NUB1: variants seen among roughly 807,000 people sequenced by gnomAD.
The protein encoded by NUB1 is negative regulator of ubiquitin like proteins 1, also known as NEDD8 ultimate buster 1.
NUB1 carries 41 observed loss-of-function variants against 77.1 expected under a neutral mutation model. That is an observed-to-expected ratio of 0.53 (90% CI 0.41 to 0.69). The LOEUF (loss-of-function observed/expected upper bound fraction) is 0.69. Ranked by LOEUF, NUB1 falls within the 30% of genes least tolerant of loss-of-function variation. The probability of loss-of-function intolerance (pLI) is 0.00; values close to 1 mark genes in which losing one functional copy is unlikely to be tolerated. For missense variants in NUB1, 643 were observed against 743.8 expected (o/e 0.86, Z 1.58); for synonymous variants, 257 against 281.0 (o/e 0.91, Z 0.85).
chr7:151,375,800 T>A (rs1388909659), intron 12 of NUB1, 48 bp from the exon 13 acceptor site: 2 of 1,237,894 alleles, frequency 1.6e-6, no homozygotes, highest in South Asian at 2.4e-5. Context: ...TGTCTGAATG[T>A]GTGAAGAGTT....
intron 1 of NUB1, among the ~76,000 whole-genome samples, chr7:151,342,343 A>G (rs1395706464): frequency 2.0e-5 from 3 of 152,152 alleles, no homozygotes; most frequent in African/African-American, 7.2e-5. Context: ...TCATTTTCCT[A>G]AGAAAAAATG....
At position 151,368,729 on chromosome 7, in the gene NUB1, C is replaced by T. The variant is rs773984694; in HGVS notation, c.1096-6C>T. On this transcript the variant is annotated splice_region_variant and splice_polypyrimidine_tract_variant and intron_variant, in intron 10 of 14. Coordinates refer to ENST00000568733, the MANE Select transcript of NUB1 (RefSeq NM_001243351.2). ...TTACATGATTCTTACATTTCCCTGT[C>T]TCTAGGCACGTCAGCTCTTTAAAGA... is the stretch of plus-strand genomic sequence containing the variant. 4.4e-6 allele frequency: 7 copies of T among 1,598,382 alleles called. No individual in the cohort carries two copies. In the South Asian group the frequency reaches 4.5e-5, roughly 10 times the overall value.
At chr7:151,374,300 G>C (rs1258202206) in intron 12 of NUB1, 57 bp downstream of exon 12, 5 of 1,539,656 alleles carry the variant, frequency 3.2e-6, no homozygotes, top group Non-Finnish European at 4.4e-6. Context: ...CCTGCCCAGA[G>C]CTCCCTCCAT....
chr7:151,376,820 GA>G lies in NUB1; in HGVS notation c.1669+10del. The G allele has an allele frequency of 1.3e-6, 2 of 1,569,068 alleles. No homozygotes were observed. Among genetic ancestry groups the G allele is most frequent in the Non-Finnish European group, 1.7e-6 (2 of 1,157,080 alleles). ...CCCTTCTGACTCCGCAGGTAGGTCT[GA>G]GGTCTTTGAGGGCCGCATTGAGAGC... On this transcript the variant is annotated intron_variant, in intron 14 of 14. Coordinates refer to ENST00000568733, the MANE Select transcript of NUB1 (RefSeq NM_001243351.2).
In NUB1 at chr7:151,360,253, C is replaced by A. The variant is rs767089160; in HGVS notation, c.800+6C>A. 2.7e-6 allele frequency: 4 copies of A among 1,505,802 alleles called. No homozygotes were observed. Among genetic ancestry groups the A allele is most frequent in the Non-Finnish European group, 3.7e-6 (4 of 1,082,138 alleles). 93.3% of individuals were successfully genotyped at this position (1,505,802 alleles called of 1,614,324 possible). On this transcript the variant is annotated splice_donor_region_variant and intron_variant, in intron 8 of 14. Coordinates refer to ENST00000568733, the MANE Select transcript of NUB1 (RefSeq NM_001243351.2). ...GACGCTGACAAATATTTCTGGTAGG[C>A]GCTTTTGTACTTGGTGAACACCAGC...
chr7:151,348,963 G>A, intron 2 of NUB1, 110 bp from the exon 3 acceptor site: 1 of 913,590 alleles, frequency 1.1e-6, no homozygotes. Context: ...AGTGTAACGG[G>A]GCGACCTCCA....
chr7:151,376,004 A>G, intron 13 of NUB1, 61 bp downstream of exon 13: 2 of 1,057,882 alleles, frequency 1.9e-6, no homozygotes, highest in Non-Finnish European at 3.0e-6. Context: ...GCTTGGGGTA[A>G]CCCGGGTGAA....
Position 151,367,902 on chromosome 7 carries a change from C to T in NUB1, c.1029C>T (p.Tyr343=), listed in dbSNP as rs368893168. ...AGAAGGTACTGTTTCTAAGACTCTA[C>T]TTACTTCAAGGGATCCGAAACTATC... is the stretch of plus-strand genomic sequence containing the variant. ...GKEKVLFLRL[Y]LLQGIRNYHS... Residue 343 remains tyrosine, a synonymous_variant, in exon 10 of 15, where the codon TAC becomes TAT. Transcript: ENST00000568733. 1.7e-4 allele frequency: 276 copies of T among 1,602,184 alleles called. 1 individual carries two copies. Among genetic ancestry groups the T allele is most frequent in the Non-Finnish European group, 2.3e-4 (273 of 1,173,550 alleles).
rs1175183042 is a variant in NUB1 at position 151,374,621 on chromosome 7, G to GT, written c.1395+379dup. The stretch of plus-strand genomic sequence containing the variant: ...ATTGTTTGGCATTAAAATTTTAAAT[G>GT]TAAGTATCTAGTTTTATTTATTTAG... On this transcript the variant is annotated intron_variant, in intron 12 of 14. Transcript: ENST00000568733. The GT allele has an allele frequency of 1.4e-5, 4 of 280,424 alleles. No homozygotes were observed. In the East Asian group the frequency reaches 2.3e-4, roughly 16 times the overall value. The allele number at this position is 280,424 out of a possible 1,614,324, so 17.4% of individuals were successfully genotyped here.
chr7:151,375,889 C>T lies in NUB1; in HGVS notation c.1437C>T (p.Ser479=), dbSNP rs993424054. 9.9e-6 allele frequency: 16 copies of T among 1,613,224 alleles called. No homozygotes were observed. Among genetic ancestry groups the T allele is most frequent in the Non-Finnish European group, 1.4e-5 (16 of 1,179,292 alleles). Residue 479 remains serine, a synonymous_variant, in exon 13 of 15, where the codon TCC becomes TCT. Coordinates refer to ENST00000568733, the MANE Select transcript of NUB1 (RefSeq NM_001243351.2). The part of the protein sequence containing the change: ...SNPQMWWLND[S]NPETDNRQES... Reference sequence around the variant, plus strand: ...CTCAGATGTGGTGGTTAAATGATTCCAATCCTGAAACCGACAACCGTCAAG... The same window carrying T: ...CTCAGATGTGGTGGTTAAATGATTCTAATCCTGAAACCGACAACCGTCAAG...
chr7:151,377,927 T>C lies in NUB1; in HGVS notation c.*702T>C, dbSNP rs1798378744. 1 of 152,218 alleles carries C rather than the reference T, an allele frequency of 6.6e-6. No homozygotes were observed. The highest frequency in any genetic ancestry group is 2.1e-4 in the South Asian group (1 of 4,822). 9.4% of individuals were successfully genotyped at this position (152,218 alleles called of 1,614,324 possible). The stretch of plus-strand genomic sequence containing the variant: ...CTCATTACAGAAATCTTCTATTGAA[T>C]GGGAAAGGTTTAAATGCTAACCAAA... On this transcript the variant is annotated 3_prime_UTR_variant, in exon 15 of 15. Coordinates refer to ENST00000568733, the MANE Select transcript of NUB1 (RefSeq NM_001243351.2).
intron 4 of NUB1, chr7:151,352,005 A>G: frequency 2.3e-6 from 1 of 436,586 alleles, no homozygotes; most frequent in South Asian, 1.6e-5. Context: ...TGTATGTTTT[A>G]AAATGGTGTT....
At chr7:151,353,839 G>A (rs1796937187) in intron 5 of NUB1, among the ~76,000 whole-genome samples, 2 of 152,146 alleles carry the variant, frequency 1.3e-5, no homozygotes, top group Admixed American at 1.3e-4. Flanking sequence ...GCCCTTCACA[G>A]CTCACCCTAG....
intron 2 of NUB1, among the ~76,000 whole-genome samples, chr7:151,347,500 C>T (rs1001703224): frequency 2.6e-5 from 4 of 152,056 alleles, no homozygotes; most frequent in African/African-American, 9.7e-5. Flanking sequence ...ATCTGTTGCC[C>T]AGGCTGGAGT....
chr7:151,352,492 G>T (rs912581502), intron 4 of NUB1: 1 of 305,022 alleles, frequency 3.3e-6, no homozygotes, highest in African/African-American at 2.2e-5. Context: ...CACCCAAGCT[G>T]AAGCACAGTG....
At chr7:151,343,687 C>G (rs993275937) in intron 1 of NUB1, among the ~76,000 whole-genome samples, 1 of 152,172 alleles carries the variant, frequency 6.6e-6, no homozygotes, top group Non-Finnish European at 1.5e-5. Context: ...CATCGCGGTA[C>G]ATACTTCTCT....
At chr7:151,360,068 G>A in intron 7 of NUB1, 73 bp from the exon 8 acceptor site, 1 of 675,108 alleles carries the variant, frequency 1.5e-6, no homozygotes, top group Non-Finnish European at 2.5e-6. Flanking sequence ...TTTTTAAAAA[G>A]TAATATGCTT....
chr7:151,358,058 C>T (rs967410496), intron 7 of NUB1, among the ~76,000 whole-genome samples: 38 of 151,992 alleles, frequency 2.5e-4, no homozygotes, highest in Non-Finnish European at 5.3e-4. Flanking sequence ...TCACTGCAAC[C>T]TCCGCCTCCC....
rs1162840622 is a variant in NUB1, at chr7:151,357,025, G to GT, written c.693+810dup. Among the ~76,000 whole-genome samples, 11 of 151,810 alleles carry GT rather than the reference G, an allele frequency of 7.2e-5. 1 individual carries two copies. In the South Asian group the frequency reaches 2.3e-3, roughly 32 times the overall value. On this transcript the variant is annotated intron_variant, in intron 7 of 14. Transcript: ENST00000568733. Reference sequence around the variant, plus strand: ...AGCCACCGAACTCTGCCGTGTTTTTGTTTTTTTAAGACACAGGGTCTTGCC... The same window carrying GT: ...AGCCACCGAACTCTGCCGTGTTTTTGTTTTTTTTAAGACACAGGGTCTTGCC...
Sources: allele counts gnomAD v4.1 joint callset (sites outside exome capture counted in the v4.1 genomes callset), GRCh38; gene constraint gnomAD v4.1.1; transcripts MANE v1.5; gene names NCBI Gene and HGNC (gene_info 2026-07-23, HGNC 2026-07-21).